The following GAN variants were observed in gnomAD, a reference collection of about 807,000 sequenced individuals.
GAN encodes epididymis secretory sperm binding protein.
Under a neutral mutation model 71.3 loss-of-function variants are expected in GAN, and 48 were observed. That is an observed-to-expected ratio of 0.67 (90% CI 0.53 to 0.86). The LOEUF is 0.86. Among genes scored for constraint, GAN ranks in the 40% least tolerant of loss-of-function variants. GAN has a pLI of 0.00. For synonymous variants in GAN, 386 were observed against 276.8 expected (o/e 1.39, Z -3.92); for missense variants, 928 against 770.1 (o/e 1.21, Z -2.43).
intron 1 of GAN, among the ~76,000 whole-genome samples, chr16:81,321,716 A>G (rs1289296790): frequency 6.6e-6 from 1 of 152,236 alleles, no homozygotes; most frequent in Non-Finnish European, 1.5e-5. Flanking sequence ...GGGTTGCATC[A>G]TCCTTCTGAA....
rs527620347 is a variant in GAN at position 81,387,391 on chromosome 16, G to C, written c.*9795G>C. The C allele has an allele frequency of 3.3e-5, 5 of 152,226 alleles. No individual in the cohort carries two copies. The highest frequency in any genetic ancestry group is 6.5e-5 in the Admixed American group (1 of 15,276). The allele number at this position is 152,226 out of a possible 1,614,324, so 9.4% of individuals were successfully genotyped here. A position where few individuals can be genotyped will look rare whatever the true frequency, so the allele number is the denominator to read the frequency against. ...TGCTGATGGGGCACGTCGTCACCAA[G>C]GGACCTGATTGTTGTCATGGTTTTG... On this transcript the variant is annotated 3_prime_UTR_variant, in exon 11 of 11. Coordinates refer to ENST00000648994, the MANE Select transcript of GAN (RefSeq NM_022041.4).
At chr16:81,331,586 C>G (rs532348952) in intron 1 of GAN, among the ~76,000 whole-genome samples, 12 of 152,260 alleles carry the variant, frequency 7.9e-5, no homozygotes, top group African/African-American at 2.6e-4. Context: ...CCATTTCCCT[C>G]AAGGCAAAGT....
chr16:81,350,835 T>C (rs187775147), intron 1 of GAN, among the ~76,000 whole-genome samples: 293 of 152,136 alleles, frequency 1.9e-3, no homozygotes, highest in African/African-American at 6.8e-3. Flanking sequence ...TTCTTTAACA[T>C]AGCACAAAAG....
intron 1 of GAN, among the ~76,000 whole-genome samples, chr16:81,324,561 C>A (rs1394370675): frequency 6.6e-6 from 1 of 152,068 alleles, no homozygotes; most frequent in Non-Finnish European, 1.5e-5. Context: ...ATGGCATCGA[C>A]AACAGATTAG....
intron 9 of GAN, among the ~76,000 whole-genome samples, chr16:81,373,406 G>A (rs779047716): frequency 5.9e-5 from 9 of 152,280 alleles, no homozygotes; most frequent in Middle Eastern, 3.4e-3. Context: ...TTATTACATA[G>A]CAGGGTCTAG....
chr16:81,377,229 C>A lies in GAN; in HGVS notation c.1513C>A (p.Leu505Ile). 6.2e-7 allele frequency: 1 copy of A among 1,601,436 alleles called. No individual in the cohort carries two copies. The highest frequency in any genetic ancestry group is 1.1e-5 in the South Asian group (1 of 90,790). ...GGGCTTTGTTTTCAGGTGGATCTAT[C>A]TTAACGACCAGAATTTATGCATCCC... ...YHDEFKRWIYLNDQNLCIPAS... is the reference protein window; with the variant it reads ...YHDEFKRWIYINDQNLCIPAS... Residue 505 changes from leucine to isoleucine, a missense_variant, in exon 10 of 11, where the codon CTT becomes ATT. By Grantham distance (5) the Leu-to-Ile change is conservative. Coordinates refer to ENST00000648994, the MANE Select transcript of GAN (RefSeq NM_022041.4).
intron 9 of GAN, 91 bp from the exon 10 acceptor site, chr16:81,377,128 G>C: frequency 1.2e-6 from 1 of 835,942 alleles, no homozygotes; most frequent in Non-Finnish European, 2.1e-6. Flanking sequence ...TGATACTGCT[G>C]ATGACTCACC....
intron 5 of GAN, 105 bp from the exon 6 acceptor site, chr16:81,362,394 G>A: frequency 1.4e-6 from 1 of 733,846 alleles, no homozygotes; most frequent in South Asian, 1.4e-5. Flanking sequence ...AGAGAACATT[G>A]TTGTCATCAG....
At position 81,384,973 on chromosome 16, in the gene GAN, G is replaced by A. The variant is rs1444968161; in HGVS notation, c.*7377G>A. On this transcript the variant is annotated 3_prime_UTR_variant, in exon 11 of 11. Transcript: ENST00000648994. ...GTTGTACACATTCTACTTAAATGGA[G>A]GAGTTCAGTGATGCCGTGGCCAAAA... 2 of 154,264 alleles carry A rather than the reference G, an allele frequency of 1.3e-5. No individual in the cohort carries two copies. The highest frequency in any genetic ancestry group is 4.8e-5 in the African/African-American group (2 of 41,484). The allele number at this position is 154,264 out of a possible 1,614,324, so 9.6% of individuals were successfully genotyped here.
Position 81,390,432 on chromosome 16 carries a change from A to G in GAN, c.*12836A>G, listed in dbSNP as rs1197384610. 3 of 152,230 alleles carry G rather than the reference A, an allele frequency of 2.0e-5. No homozygotes were observed. The highest frequency in any genetic ancestry group is 3.8e-4 in the East Asian group (2 of 5,204). 9.4% of individuals were successfully genotyped at this position (152,230 alleles called of 1,614,324 possible). A position where few individuals can be genotyped will look rare whatever the true frequency, so the allele number is the denominator to read the frequency against. ...TGGTTTACAAGTAATACTGATGCAA[A>G]AAGGATTTGTTAACCTAAATTAAGT... On this transcript the variant is annotated 3_prime_UTR_variant, in exon 11 of 11. Transcript: ENST00000648994.
At chr16:81,341,052 G>A (rs541794909) in intron 1 of GAN, among the ~76,000 whole-genome samples, 2 of 151,834 alleles carry the variant, frequency 1.3e-5, no homozygotes, top group South Asian at 4.2e-4. Flanking sequence ...AGTGACTGAA[G>A]ATCAGATTAA....
intron 5 of GAN, 63 bp downstream of exon 5, chr16:81,357,994 T>C: frequency 7.2e-7 from 1 of 1,383,214 alleles, no homozygotes; most frequent in South Asian, 1.2e-5. Flanking sequence ...CTCAAGGTTT[T>C]ACAGAATGAC....
chr16:81,333,205 C>G (rs546561371), intron 1 of GAN, among the ~76,000 whole-genome samples: 39 of 149,872 alleles, frequency 2.6e-4, no homozygotes, highest in African/African-American at 8.9e-4. Flanking sequence ...TCACGCCACT[C>G]CACTCCAGCC....
In GAN at chr16:81,382,982, T is replaced by G. The variant is rs1240060371; in HGVS notation, c.*5386T>G. Reference sequence around the variant, plus strand: ...TATTCTTTTTTATTTTATTTTATTTTTTTAAATTTCTTTTAGAAACTGGGT... The same window carrying G: ...TATTCTTTTTTATTTTATTTTATTTGTTTAAATTTCTTTTAGAAACTGGGT... On this transcript the variant is annotated 3_prime_UTR_variant, in exon 11 of 11. Transcript: ENST00000648994. 6.6e-6 allele frequency: 1 copy of G among 152,090 alleles called. No individual in the cohort carries two copies. The highest frequency in any genetic ancestry group is 2.4e-5 in the African/African-American group (1 of 41,450). The allele number at this position is 152,090 out of a possible 1,614,324, so 9.4% of individuals were successfully genotyped here.
chr16:81,361,382 A>G (rs1325490345), intron 5 of GAN, among the ~76,000 whole-genome samples: 2 of 144,458 alleles, frequency 1.4e-5, no homozygotes, highest in East Asian at 7.5e-4. Flanking sequence ...TTTGGTATTA[A>G]CTGTAAGTTA....
Position 81,326,007 on chromosome 16 carries a change from A to G in GAN, c.167+10727A>G, listed in dbSNP as rs555280312. Among the ~76,000 whole-genome samples the G allele has an allele frequency of 4.6e-5, 7 of 152,272 alleles. No homozygotes were observed. The South Asian group carries it at 1.5e-3, about 32-fold the overall frequency. On this transcript the variant is annotated intron_variant, in intron 1 of 10. Transcript: ENST00000648994. ...TCATCCTTCAAGGCCTGGTTCAAGT[A>G]TCCCTTCCTCTGTAAGATTTTTCCA...
intron 1 of GAN, 107 bp downstream of exon 1, chr16:81,315,387 CG>C: frequency 2.7e-6 from 2 of 747,516 alleles, no homozygotes; most frequent in Non-Finnish European, 1.8e-6. Flanking sequence ...TCCCCGGCGC[CG>C]GGGTCCCCGC....
intron 1 of GAN, among the ~76,000 whole-genome samples, chr16:81,343,220 AAACTATTCCGATC>A (rs1184133629): frequency 2.0e-5 from 3 of 152,228 alleles, no homozygotes; most frequent in African/African-American, 7.2e-5. Context: ...ATTCCTTCTG[AAACTATTCCGATC>A]AATAGAAAAA....
intron 8 of GAN, 28 bp from the exon 9 acceptor site, chr16:81,365,322 C>G: frequency 6.2e-7 from 1 of 1,613,266 alleles, no homozygotes; most frequent in Non-Finnish European, 8.5e-7. Flanking sequence ...ACAGCTTGTG[C>G]CTGATAACGC....
Sources: gnomAD v4.1 joint callset for allele counts (sites outside exome capture counted in the v4.1 genomes callset) on GRCh38, gnomAD v4.1.1 for gene constraint, MANE v1.5 for transcripts, NCBI Gene and HGNC (gene_info 2026-07-23, HGNC 2026-07-21) for gene names.